The following REPS1 variants were observed in gnomAD, a reference collection of about 807,000 sequenced individuals.
REPS1 encodes the protein ralBP1-associated Eps domain-containing protein 1.
A neutral mutation model predicts 100.9 loss-of-function variants in REPS1; 39 were observed. That is an observed-to-expected ratio of 0.39 (90% CI 0.30 to 0.50). The LOEUF (loss-of-function observed/expected upper bound fraction) is 0.50. Among genes scored for constraint, REPS1 ranks in the 20% least tolerant of loss-of-function variants. The pLI is 0.86. For synonymous variants in REPS1, 324 were observed against 340.3 expected (o/e 0.95, Z 0.53); for missense variants, 821 against 968.5 (o/e 0.85, Z 2.02).
intron 1 of REPS1, among the ~76,000 whole-genome samples, chr6:138,963,111 ATAACTAAC>A (rs201058490): frequency 9.3e-5 from 12 of 129,032 alleles, no homozygotes; most frequent in South Asian, 2.9e-4. Context: ...CTATCTCGAA[ATAACTAAC>A]TAACTAACTA....
At chr6:138,959,136 A>C (rs752042684) in intron 1 of REPS1, among the ~76,000 whole-genome samples, 26 of 152,306 alleles carry the variant, frequency 1.7e-4, no homozygotes, top group Admixed American at 3.9e-4. Flanking sequence ...AAGTACCCCC[A>C]AGAAGTCCTG....
intron 19 of REPS1, 54 bp from the exon 20 acceptor site, chr6:138,905,186 A>G (rs1293280952): frequency 9.0e-7 from 1 of 1,111,986 alleles, no homozygotes; most frequent in East Asian, 2.4e-5. Flanking sequence ...AAATGAAGAA[A>G]TATCTAACAA....
At chr6:138,975,737 G>C (rs1784567448) in intron 1 of REPS1, among the ~76,000 whole-genome samples, 1 of 152,156 alleles carries the variant, frequency 6.6e-6, no homozygotes, top group African/African-American at 2.4e-5. Context: ...GAGAGGCTGA[G>C]GCAGGAGAAT....
At chr6:138,924,105 CAACT>C (rs1440207294) in intron 10 of REPS1, among the ~76,000 whole-genome samples, 4 of 152,028 alleles carry the variant, frequency 2.6e-5, no homozygotes, top group Non-Finnish European at 5.9e-5. Context: ...CTGTAGGACA[CAACT>C]AAGAGAAAGC....
At chr6:138,935,864 G>C (rs542611593) in intron 8 of REPS1, among the ~76,000 whole-genome samples, 5 of 114,232 alleles carry the variant, frequency 4.4e-5, no homozygotes, top group South Asian at 4.5e-4. Flanking sequence ...GGCGGGGGGG[G>C]GGGGCGCGGG....
chr6:138,930,308 T>C (rs1173797770), intron 8 of REPS1, among the ~76,000 whole-genome samples: 1 of 152,162 alleles, frequency 6.6e-6, no homozygotes, highest in East Asian at 1.9e-4. Context: ...CAGCTTTTCA[T>C]GAAAATAAAA....
At chr6:138,960,137 G>A (rs1393333153) in intron 1 of REPS1, among the ~76,000 whole-genome samples, 1 of 152,132 alleles carries the variant, frequency 6.6e-6, no homozygotes, top group African/African-American at 2.4e-5. Flanking sequence ...CCCACAAGAA[G>A]TAATTTTAAA....
At chr6:138,984,384 A>G (rs900426019) in intron 1 of REPS1, among the ~76,000 whole-genome samples, 1 of 151,988 alleles carries the variant, frequency 6.6e-6, no homozygotes, top group Non-Finnish European at 1.5e-5. Context: ...TGCCCGGCCC[A>G]TATCTGATTT....
intron 2 of REPS1, among the ~76,000 whole-genome samples, chr6:138,947,545 C>T (rs1463739632): frequency 6.6e-6 from 1 of 152,092 alleles, no homozygotes; most frequent in African/African-American, 2.4e-5. Flanking sequence ...TAAAAAATTG[C>T]CATTTGAACA....
At chr6:138,978,026 C>A (rs1339360549) in intron 1 of REPS1, among the ~76,000 whole-genome samples, 16 of 151,764 alleles carry the variant, frequency 1.1e-4, no homozygotes, top group Admixed American at 1.0e-3. Context: ...GCTTATTGGC[C>A]ATTCTTATTG....
At chr6:138,912,638 A>C in intron 16 of REPS1, 127 bp downstream of exon 16, 1 of 881,270 alleles carries the variant, frequency 1.1e-6, no homozygotes, top group Non-Finnish European at 1.9e-6. Context: ...CCAATAAAAA[A>C]GATGAGAAGC....
At chr6:138,926,767 C>T (rs1032719281) in intron 9 of REPS1, 6 of 255,622 alleles carry the variant, frequency 2.3e-5, no homozygotes, top group Non-Finnish European at 4.5e-5. Context: ...AATACAGGAG[C>T]AAAGTCTAAG....
chr6:138,914,921 C>A, intron 14 of REPS1, 160 bp from the exon 15 acceptor site: 1 of 622,788 alleles, frequency 1.6e-6, no homozygotes, highest in Non-Finnish European at 2.8e-6. Flanking sequence ...TGTATGTAAC[C>A]TAAAGACCAA....
Position 138,916,042 on chromosome 6 carries a change from T to C in REPS1, c.1602-66A>G, listed in dbSNP as rs776642924. The C allele has an allele frequency of 2.6e-6, 3 of 1,143,710 alleles. No individual in the cohort carries two copies. In the African/African-American group the frequency reaches 4.6e-5, roughly 17 times the overall value. 70.8% of individuals were successfully genotyped at this position (1,143,710 alleles called of 1,614,324 possible). On this transcript the variant is annotated intron_variant, in intron 13 of 19. Transcript: ENST00000450536. The stretch of plus-strand genomic sequence containing the variant: ...ATCAGAGCTTTTTTCTTTTTAAACA[T>C]TTACACTTGGCTAAGCAGCAAAGGA...
intron 1 of REPS1, among the ~76,000 whole-genome samples, chr6:138,975,086 A>T (rs182968343): frequency 9.2e-5 from 14 of 152,148 alleles, no homozygotes; most frequent in African/African-American, 3.1e-4. Context: ...TTCTAAAGCC[A>T]CCTAGCTACT....
At chr6:138,926,304 C>T (rs1448560168) in intron 10 of REPS1, 97 bp downstream of exon 10, 1 of 872,884 alleles carries the variant, frequency 1.1e-6, no homozygotes, top group East Asian at 2.6e-5. Flanking sequence ...CCTCTAAGCA[C>T]TCCACTGAAT....
rs570746509 is a variant in REPS1 at position 138,939,856 on chromosome 6, T to A, written c.1135+1479A>T. Among the ~76,000 whole-genome samples the A allele has an allele frequency of 2.3e-4, 34 of 148,944 alleles. 1 individual carries two copies. The South Asian group carries it at 7.1e-3, about 31-fold the overall frequency. ...TCAGCTCAAGTCAGAGGCTGACGCT[T>A]CACAACTGAAATGATCCCAAAATCC... is the stretch of plus-strand genomic sequence containing the variant. On this transcript the variant is annotated intron_variant, in intron 8 of 19. Coordinates refer to ENST00000450536, the MANE Select transcript of REPS1 (RefSeq NM_001286611.2).
chr6:138,920,983 A>T, intron 11 of REPS1, 54 bp downstream of exon 11: 1 of 1,241,844 alleles, frequency 8.1e-7, no homozygotes, highest in Non-Finnish European at 1.2e-6. Flanking sequence ...CAGAATAATT[A>T]CATATTTCAG....
rs1050775678 is a variant in REPS1 at position 138,987,833 on chromosome 6, G to C, written c.-151C>G. 1 of 922,446 alleles carries C rather than the reference G, an allele frequency of 1.1e-6. No homozygotes were observed. Among genetic ancestry groups the C allele is most frequent in the Non-Finnish European group, 1.4e-6 (1 of 692,432 alleles). 57.1% of individuals were successfully genotyped at this position (922,446 alleles called of 1,614,324 possible). Reference sequence around the variant, plus strand: ...GGCCTCACACGCGCCAGGTGCGCCCGAGCAACAGGGCCCGGAGGTCGCGAG... The same window carrying C: ...GGCCTCACACGCGCCAGGTGCGCCCCAGCAACAGGGCCCGGAGGTCGCGAG... On this transcript the variant is annotated 5_prime_UTR_variant, in exon 1 of 20. Coordinates refer to ENST00000450536, the MANE Select transcript of REPS1 (RefSeq NM_001286611.2).
Sources: allele counts gnomAD v4.1 joint callset (sites outside exome capture counted in the v4.1 genomes callset), GRCh38; gene constraint gnomAD v4.1.1; transcripts MANE v1.5; gene names NCBI Gene and HGNC (gene_info 2026-07-23, HGNC 2026-07-21).